The following TRIM9 variants were observed in gnomAD, a reference collection of about 807,000 sequenced individuals.
The protein encoded by TRIM9 is E3 ubiquitin-protein ligase TRIM9.
A neutral mutation model predicts 78.3 loss-of-function variants in TRIM9; 26 were observed. The ratio of observed to expected loss-of-function variants is 0.33; its 90% confidence interval spans 0.24 to 0.46. The LOEUF is 0.46. Among genes scored for constraint, TRIM9 ranks in the 20% least tolerant of loss-of-function variants. TRIM9 has a pLI of 1.00. For synonymous variants in TRIM9, 398 were observed against 416.5 expected, an observed-to-expected ratio of 0.96 and a Z score of 0.54; for missense variants, 787 against 1,036.4, an observed-to-expected ratio of 0.76 and a Z score of 3.30.
intron 1 of TRIM9, among the ~76,000 whole-genome samples, chr14:51,054,955 G>C (rs2060777620): frequency 6.6e-6 from 1 of 152,000 alleles, no homozygotes; most frequent in South Asian, 2.1e-4. Context: ...TCAGCCTCCT[G>C]AGTAGCTGGG....
At chr14:51,060,347 T>C (rs1386100750) in intron 1 of TRIM9, among the ~76,000 whole-genome samples, 3 of 152,180 alleles carry the variant, frequency 2.0e-5, no homozygotes, top group Non-Finnish European at 4.4e-5. Context: ...CATCCTAACA[T>C]TCTCTCCGTA....
chr14:51,058,598 GGGTGGTGCGCT>G (rs2061082102), intron 1 of TRIM9, among the ~76,000 whole-genome samples: 1 of 152,146 alleles, frequency 6.6e-6, no homozygotes, highest in Admixed American at 6.5e-5. Flanking sequence ...AAGGCCACTG[GGGTGGTGCGCT>G]GGTGAGCCAC....
intron 1 of TRIM9, among the ~76,000 whole-genome samples, chr14:51,027,168 G>A (rs1415341441): frequency 8.8e-6 from 1 of 113,158 alleles, no homozygotes; most frequent in African/African-American, 3.4e-5. Flanking sequence ...TTTTGAGACA[G>A]AGTCTCACTC....
intron 1 of TRIM9, among the ~76,000 whole-genome samples, chr14:51,074,857 A>G (rs1056643018): frequency 1.3e-5 from 2 of 152,248 alleles, no homozygotes; most frequent in East Asian, 1.9e-4. Flanking sequence ...CTTCCAAGGC[A>G]TAGGTAAAAT....
intron 3 of TRIM9, among the ~76,000 whole-genome samples, chr14:51,014,296 T>C (rs2056906186): frequency 1.3e-5 from 2 of 152,226 alleles, no homozygotes; most frequent in African/African-American, 2.4e-5. Flanking sequence ...AGAAGCTTAA[T>C]TGTTGCACTG....
intron 1 of TRIM9, among the ~76,000 whole-genome samples, chr14:51,028,506 A>G (rs1035213226): frequency 7.9e-5 from 12 of 152,248 alleles, no homozygotes; most frequent in Non-Finnish European, 1.3e-4. Flanking sequence ...CTGTGCTAAC[A>G]AAGATGTTCT....
At chr14:51,065,988 T>G (rs922358467) in intron 1 of TRIM9, among the ~76,000 whole-genome samples, 2 of 151,504 alleles carry the variant, frequency 1.3e-5, no homozygotes, top group Admixed American at 6.6e-5. Flanking sequence ...GCCTGTGCCA[T>G]CAACTTCTTT....
At chr14:51,053,153 C>A in intron 1 of TRIM9, among the ~76,000 whole-genome samples, 1 of 107,980 alleles carries the variant, frequency 9.3e-6, no homozygotes. Context: ...GAGAGAGACC[C>A]TGTTTCAAAA....
chr14:51,047,422 G>A (rs2060035812), intron 1 of TRIM9, among the ~76,000 whole-genome samples: 1 of 152,166 alleles, frequency 6.6e-6, no homozygotes, highest in African/African-American at 2.4e-5. Context: ...ACCCATAGGT[G>A]ACTTTTGAGG....
Position 51,047,996 on chromosome 14 carries a change from G to A in TRIM9, c.823-22636C>T, listed in dbSNP as rs543946374. ...AAAATCCCCTTACCAAATCCGTTAA[G>A]TGCATAGTAAATGCCCTCCTTTAGG... is the stretch of plus-strand genomic sequence containing the variant. On this transcript the variant is annotated intron_variant, in intron 1 of 12. Coordinates refer to ENST00000684578, the MANE Select transcript of TRIM9 (RefSeq NM_001387360.1). Among the ~76,000 whole-genome samples, 9 of 151,148 alleles carry A rather than the reference G, an allele frequency of 6.0e-5. No individual in the cohort carries two copies. The East Asian group carries it at 1.7e-3, about 29-fold the overall frequency.
chr14:51,083,036 G>A (rs998145395), intron 1 of TRIM9, among the ~76,000 whole-genome samples: 6 of 152,160 alleles, frequency 3.9e-5, no homozygotes, highest in African/African-American at 1.4e-4. Context: ...GCCTCATGGA[G>A]TTGTGGGAAT....
chr14:51,044,943 T>C (rs1024237372), intron 1 of TRIM9, among the ~76,000 whole-genome samples: 2 of 152,336 alleles, frequency 1.3e-5, no homozygotes, highest in African/African-American at 4.8e-5. Flanking sequence ...ATCAGCCTAA[T>C]ATTATAGCTG....
At chr14:50,997,478 G>A (rs1310015480) in intron 7 of TRIM9, 1 of 985,612 alleles carries the variant, frequency 1.0e-6, no homozygotes, top group Non-Finnish European at 1.2e-6. Flanking sequence ...TGGTGCTGAC[G>A]GCCTCCGCTT....
intron 1 of TRIM9, among the ~76,000 whole-genome samples, chr14:51,081,921 C>T (rs191474622): frequency 2.6e-5 from 4 of 152,330 alleles, no homozygotes; most frequent in African/African-American, 9.6e-5. Flanking sequence ...CTTTCCAAAT[C>T]TTGTTGTTCA....
At chr14:51,075,332 T>C (rs1346613340) in intron 1 of TRIM9, among the ~76,000 whole-genome samples, 1 of 152,240 alleles carries the variant, frequency 6.6e-6, no homozygotes. Flanking sequence ...AATTATTTCA[T>C]GTAATTCTTT....
chr14:51,077,358 C>T (rs552639316), intron 1 of TRIM9, among the ~76,000 whole-genome samples: 56 of 149,514 alleles, frequency 3.7e-4, no homozygotes, highest in Non-Finnish European at 7.4e-4. Context: ...AAACTTAAGT[C>T]CTGGCCCTCA....
intron 7 of TRIM9, among the ~76,000 whole-genome samples, chr14:50,987,864 C>T (rs2052928233): frequency 2.0e-5 from 3 of 152,122 alleles, no homozygotes; most frequent in Admixed American, 6.5e-5. Context: ...TGCAATGCCA[C>T]GATCTCAGCT....
chr14:51,095,029 G>A lies in TRIM9; in HGVS notation c.-90C>T. The A allele has an allele frequency of 5.0e-6, 5 of 1,008,948 alleles. No homozygotes were observed. The highest frequency in any genetic ancestry group is 6.6e-6 in the Non-Finnish European group (5 of 761,000). 62.5% of individuals were successfully genotyped at this position (1,008,948 alleles called of 1,614,324 possible). A position where few individuals can be genotyped will look rare whatever the true frequency, so the allele number is the denominator to read the frequency against. On this transcript the variant is annotated 5_prime_UTR_variant, in exon 1 of 13. Coordinates refer to ENST00000684578, the MANE Select transcript of TRIM9 (RefSeq NM_001387360.1). ...CGGGCCCGTCTTGTCCAGCACCCTG[G>A]CCAGCGGCGGCGGCTGTGGTGGTGG...
intron 12 of TRIM9, 97 bp downstream of exon 12, chr14:50,979,290 G>C (rs745580509): frequency 6.2e-7 from 1 of 1,602,644 alleles, no homozygotes; most frequent in South Asian, 1.1e-5. Context: ...GCCTTACGCT[G>C]TCAGCTTCCC....
Sources: gnomAD v4.1 joint callset for allele counts (sites outside exome capture counted in the v4.1 genomes callset) on GRCh38, gnomAD v4.1.1 for gene constraint, MANE v1.5 for transcripts, NCBI Gene and HGNC (gene_info 2026-07-23, HGNC 2026-07-21) for gene names.